The following RNF216 variants were observed in gnomAD, a reference collection of about 807,000 sequenced individuals.
RNF216 encodes ring finger protein 216.
RNF216 carries 72 observed loss-of-function variants against 110.8 expected under a neutral mutation model. The ratio of observed to expected loss-of-function variants is 0.65; its 90% CI spans 0.54 to 0.79. The LOEUF (loss-of-function observed/expected upper bound fraction) is 0.79. Ranked by LOEUF, RNF216 falls within the 30% of genes least tolerant of loss-of-function variation. The probability of loss-of-function intolerance (pLI) is 0.00; values close to 1 mark genes in which losing one functional copy is unlikely to be tolerated. For missense variants in RNF216, 1,342 were observed against 1,141.2 expected (o/e 1.18, Z -2.54); for synonymous variants, 495 against 407.5 (o/e 1.21, Z -2.59).
At chr7:5,752,522 C>T (rs1795385096) in intron 3 of RNF216, among the ~76,000 whole-genome samples, 1 of 151,896 alleles carries the variant, frequency 6.6e-6, no homozygotes, top group African/African-American at 2.4e-5. Flanking sequence ...CAAGAATATC[C>T]AGGATGATTC....
chr7:5,670,638 A>G (rs1789843686), intron 13 of RNF216, among the ~76,000 whole-genome samples: 1 of 152,172 alleles, frequency 6.6e-6, no homozygotes, highest in Non-Finnish European at 1.5e-5. Context: ...CTACTGCTTC[A>G]TTAGTTTCTT....
chr7:5,745,031 A>G (rs1794960891), intron 3 of RNF216, among the ~76,000 whole-genome samples: 1 of 152,162 alleles, frequency 6.6e-6, no homozygotes, highest in Admixed American at 6.6e-5. Context: ...AATCATGCTT[A>G]TAAAAAAATA....
intron 1 of RNF216, among the ~76,000 whole-genome samples, chr7:5,769,101 C>T (rs1170400392): frequency 6.8e-6 from 1 of 146,750 alleles, no homozygotes; most frequent in East Asian, 2.0e-4. Flanking sequence ...TTATTAGACA[C>T]AATTTACAGT....
At chr7:5,625,173 C>T (rs1349843135) in intron 15 of RNF216, among the ~76,000 whole-genome samples, 5 of 152,208 alleles carry the variant, frequency 3.3e-5, no homozygotes, top group African/African-American at 9.6e-5. Context: ...AACCCAAACA[C>T]GCCAACTGCC....
chr7:5,633,824 C>T (rs778156035), intron 15 of RNF216, among the ~76,000 whole-genome samples: 39 of 152,176 alleles, frequency 2.6e-4, no homozygotes, highest in Middle Eastern at 3.4e-3. Context: ...CACTTGAAGA[C>T]GGCAAGTGAG....
chr7:5,625,564 T>C (rs1490027065), intron 15 of RNF216, among the ~76,000 whole-genome samples: 1 of 152,220 alleles, frequency 6.6e-6, no homozygotes, highest in Non-Finnish European at 1.5e-5. Context: ...GTTTACTTAC[T>C]AGGTTATTAA....
intron 13 of RNF216, among the ~76,000 whole-genome samples, chr7:5,688,551 G>A (rs1791127701): frequency 6.6e-6 from 1 of 152,170 alleles, no homozygotes; most frequent in African/African-American, 2.4e-5. Flanking sequence ...AGCAGTTTGT[G>A]TTTCATGCTT....
At chr7:5,714,466 C>G (rs979949454) in intron 11 of RNF216, among the ~76,000 whole-genome samples, 2 of 151,718 alleles carry the variant, frequency 1.3e-5, no homozygotes, top group Non-Finnish European at 2.9e-5. Flanking sequence ...CCATGTTGGT[C>G]AGGCTGGTCT....
chr7:5,746,681 A>G (rs2128658646), intron 3 of RNF216, among the ~76,000 whole-genome samples: 1 of 152,294 alleles, frequency 6.6e-6, no homozygotes, highest in South Asian at 2.1e-4. Context: ...CAGCATCCCT[A>G]ATTTCTAAAA....
chr7:5,744,297 T>C (rs1294158321), intron 3 of RNF216, among the ~76,000 whole-genome samples: 2 of 152,176 alleles, frequency 1.3e-5, no homozygotes, highest in African/African-American at 4.8e-5. Context: ...AGAGAGAAAT[T>C]AGTGCATTGA....
At chr7:5,781,279 C>T (rs1322032207) in intron 1 of RNF216, among the ~76,000 whole-genome samples, 1 of 152,118 alleles carries the variant, frequency 6.6e-6, no homozygotes, top group Non-Finnish European at 1.5e-5. Context: ...CGCGAAACTT[C>T]GCGAAGTGGC....
At chr7:5,735,711 G>T (rs2128647507) in intron 5 of RNF216, among the ~76,000 whole-genome samples, 1 of 152,330 alleles carries the variant, frequency 6.6e-6, no homozygotes, top group South Asian at 2.1e-4. Flanking sequence ...AAAATTTCCA[G>T]AACTGACCAA....
At chr7:5,646,990 TC>T (rs1788087946) in intron 14 of RNF216, among the ~76,000 whole-genome samples, 1 of 152,204 alleles carries the variant, frequency 6.6e-6, no homozygotes, top group Non-Finnish European at 1.5e-5. Context: ...TACGTAGTCT[TC>T]TAGATCTGTC....
intron 1 of RNF216, among the ~76,000 whole-genome samples, chr7:5,763,625 C>T (rs936659571): frequency 3.3e-5 from 5 of 152,106 alleles, no homozygotes; most frequent in East Asian, 1.9e-4. Flanking sequence ...GGCTGGAGAG[C>T]AGCTACACGA....
chr7:5,627,397 A>T (rs1261468772), intron 15 of RNF216, among the ~76,000 whole-genome samples: 1 of 152,156 alleles, frequency 6.6e-6, no homozygotes. Context: ...TGCTATGAGC[A>T]ACGTTCCAAC....
intron 15 of RNF216, among the ~76,000 whole-genome samples, chr7:5,637,626 ATCCCT>A (rs1353907668): frequency 2.6e-5 from 4 of 152,150 alleles, no homozygotes; most frequent in Non-Finnish European, 4.4e-5. Context: ...GGCTCACTGC[ATCCCT>A]AACGTCCCGG....
intron 15 of RNF216, among the ~76,000 whole-genome samples, chr7:5,639,338 A>G (rs113336701): frequency 2.0e-5 from 3 of 152,188 alleles, no homozygotes; most frequent in South Asian, 2.1e-4. Context: ...CCCAGATAAG[A>G]GCTGCTAGCC....
intron 13 of RNF216, among the ~76,000 whole-genome samples, chr7:5,656,439 G>C (rs749065759): frequency 6.6e-6 from 1 of 152,218 alleles, no homozygotes; most frequent in Non-Finnish European, 1.5e-5. Flanking sequence ...ATGAAGAACA[G>C]GGTATCGTGG....
chr7:5,627,135 C>T (rs1000942965), intron 15 of RNF216, among the ~76,000 whole-genome samples: 6 of 152,188 alleles, frequency 3.9e-5, no homozygotes, highest in Non-Finnish European at 8.8e-5. Context: ...TTCATTCCAA[C>T]CTCTGTAGCA....
Sources: gnomAD v4.1 joint callset for allele counts (sites outside exome capture counted in the v4.1 genomes callset) on GRCh38, gnomAD v4.1.1 for gene constraint, MANE v1.5 for transcripts, NCBI Gene and HGNC (gene_info 2026-07-23, HGNC 2026-07-21) for gene names.